The following CALD1 variants were observed in gnomAD, a reference collection of about 807,000 sequenced individuals.
The protein encoded by CALD1 is caldesmon 1.
A neutral mutation model predicts 99.9 loss-of-function variants in CALD1; 33 were observed. The observed-to-expected ratio is 0.33, with a 90% CI of 0.25 to 0.44. The LOEUF (loss-of-function observed/expected upper bound fraction) is 0.44, where lower values mean the gene tolerates loss of function less well. CALD1 is among the 20% of genes least tolerant of loss of function. The pLI, the probability that CALD1 is intolerant of heterozygous loss-of-function variation, is 1.00. For missense variants in CALD1, 861 were observed against 962.1 expected (o/e 0.89, Z 1.39); for synonymous variants, 310 against 325.0 (o/e 0.95, Z 0.50).
intron 2 of CALD1, 134 bp from the exon 3 acceptor site, chr7:134,867,559 C>T (rs561243679): frequency 2.3e-6 from 1 of 432,948 alleles, no homozygotes; most frequent in East Asian, 3.7e-5. Flanking sequence ...AAATTGATCA[C>T]TGGCTACCTT....
intron 1 of CALD1, among the ~76,000 whole-genome samples, chr7:134,784,696 G>A (rs554846862): frequency 2.6e-5 from 4 of 152,236 alleles, no homozygotes; most frequent in African/African-American, 7.2e-5. Flanking sequence ...ACAGATTAAC[G>A]AACGGATGAA....
chr7:134,875,811 A>C (rs1381678404), intron 3 of CALD1, among the ~76,000 whole-genome samples: 22 of 152,214 alleles, frequency 1.4e-4, no homozygotes, highest in Admixed American at 1.4e-3. Flanking sequence ...TGTGTAGGCA[A>C]AGTCATTGTT....
intron 3 of CALD1, among the ~76,000 whole-genome samples, chr7:134,898,521 G>A (rs1156921595): frequency 1.3e-5 from 2 of 151,824 alleles, no homozygotes; most frequent in African/African-American, 4.8e-5. Flanking sequence ...AAGAAACTCA[G>A]CCAAGTTATC....
chr7:134,946,683 T>C (rs879237764), intron 7 of CALD1, among the ~76,000 whole-genome samples: 18 of 151,938 alleles, frequency 1.2e-4, no homozygotes, highest in African/African-American at 4.4e-4. Flanking sequence ...TTTTTTTTTT[T>C]TCTCTTTTTT....
At chr7:134,748,708 T>TGCC (rs1562988094) in intron 1 of CALD1, among the ~76,000 whole-genome samples, 1 of 132,380 alleles carries the variant, frequency 7.6e-6, no homozygotes, top group Admixed American at 7.6e-5. Context: ...TGAAACTCCA[T>TGCC]CCCCCCGCCC....
chr7:134,803,976 G>A lies in CALD1; in HGVS notation c.-130+24227G>A, dbSNP rs562558040. Among the ~76,000 whole-genome samples the A allele has an allele frequency of 2.0e-4, 30 of 152,286 alleles. No homozygotes were observed. The South Asian group carries it at 4.8e-3, about 24-fold the overall frequency. ...CTCCCAAAGTGTTGGGATTACAGGC[G>A]TGAGCCACCACACCCAGCCAGGCAT... On this transcript the variant is annotated intron_variant, in intron 1 of 14. Coordinates refer to ENST00000361675, the MANE Select transcript of CALD1 (RefSeq NM_033138.4).
rs1419384943 is a variant in CALD1 at position 134,843,950 on chromosome 7, T to C, written c.-63T>C. On this transcript the variant is annotated 5_prime_UTR_variant, in exon 2 of 15. Transcript: ENST00000361675. The stretch of plus-strand genomic sequence containing the variant: ...AGGGATTGGTGACCAACCAGAAGGC[T>C]CAGACATCTGATTGCTGACCTGTGA... The C allele has an allele frequency of 6.6e-6, 1 of 152,198 alleles. No individual in the cohort carries two copies. The highest frequency in any genetic ancestry group is 1.5e-5 in the Non-Finnish European group (1 of 68,034). The allele number at this position is 152,198 out of a possible 1,614,324, so 9.4% of individuals were successfully genotyped here.
chr7:134,784,597 G>A (rs1379185885), intron 1 of CALD1, among the ~76,000 whole-genome samples: 1 of 152,224 alleles, frequency 6.6e-6, no homozygotes, highest in African/African-American at 2.4e-5. Flanking sequence ...GGTGAAGTCT[G>A]GGAGAGCACA....
chr7:134,915,024 C>A (rs566868999), intron 3 of CALD1, among the ~76,000 whole-genome samples: 1 of 152,332 alleles, frequency 6.6e-6, no homozygotes, highest in South Asian at 2.1e-4. Context: ...AATGGATGTG[C>A]TAATTCCAGC....
intron 3 of CALD1, chr7:134,891,721 T>TA: frequency 4.8e-6 from 6 of 1,240,012 alleles, no homozygotes; most frequent in South Asian, 1.5e-5. Context: ...TTTTTTTTTT[T>TA]TATAAAAAAC....
intron 1 of CALD1, among the ~76,000 whole-genome samples, chr7:134,830,644 T>G (rs1057433825): frequency 6.6e-6 from 1 of 152,150 alleles, no homozygotes; most frequent in African/African-American, 2.4e-5. Flanking sequence ...CTCCCACTTA[T>G]AAGTGAGAAC....
At chr7:134,804,349 C>G (rs1261805973) in intron 1 of CALD1, among the ~76,000 whole-genome samples, 1 of 152,224 alleles carries the variant, frequency 6.6e-6, no homozygotes, top group Admixed American at 6.5e-5. Context: ...AATGCCTGCC[C>G]CAGGGTATCT....
intron 1 of CALD1, among the ~76,000 whole-genome samples, chr7:134,770,616 T>C (rs996745837): frequency 1.3e-5 from 2 of 152,194 alleles, no homozygotes; most frequent in Non-Finnish European, 1.5e-5. Flanking sequence ...AGGCCACTTA[T>C]GGTTGGATTT....
intron 1 of CALD1, among the ~76,000 whole-genome samples, chr7:134,821,821 T>C (rs1263166158): frequency 6.6e-6 from 1 of 152,104 alleles, no homozygotes; most frequent in East Asian, 1.9e-4. Context: ...GAACTCGTGA[T>C]CTGCCCACCT....
chr7:134,878,633 T>A (rs1801459085), intron 3 of CALD1, among the ~76,000 whole-genome samples: 1 of 151,956 alleles, frequency 6.6e-6, no homozygotes, highest in Admixed American at 6.6e-5. Flanking sequence ...GCAAGAAGTA[T>A]ACAGTGTGAA....
chr7:134,787,345 T>C (rs532813288), intron 1 of CALD1, among the ~76,000 whole-genome samples: 50 of 152,322 alleles, frequency 3.3e-4, no homozygotes, highest in Non-Finnish European at 2.5e-4. Flanking sequence ...CCATCATTAC[T>C]AAGGGAAATT....
intron 1 of CALD1, among the ~76,000 whole-genome samples, chr7:134,826,343 T>C (rs1798994641): frequency 6.6e-6 from 1 of 152,192 alleles, no homozygotes; most frequent in Non-Finnish European, 1.5e-5. Flanking sequence ...TCCTTCGTCA[T>C]GTTTGAAATA....
chr7:134,872,367 A>AC (rs1287232958), intron 3 of CALD1, among the ~76,000 whole-genome samples: 1 of 76,314 alleles, frequency 1.3e-5, no homozygotes, highest in African/African-American at 8.6e-5. Flanking sequence ...CAAAAAAAAA[A>AC]AAAAAAAAAA....
At chr7:134,920,760 C>A in intron 3 of CALD1, 3 of 978,412 alleles carry the variant, frequency 3.1e-6, no homozygotes, top group Admixed American at 2.3e-5. Context: ...ACTTCAATAG[C>A]ATTCATTCTG....
Sources: allele counts gnomAD v4.1 joint callset (sites outside exome capture counted in the v4.1 genomes callset), GRCh38; gene constraint gnomAD v4.1.1; transcripts MANE v1.5; gene names NCBI Gene and HGNC (gene_info 2026-07-23, HGNC 2026-07-21).